Variants in ARHGEF10 observed in about 807,000 individuals in gnomAD.
ARHGEF10 encodes the protein Rho guanine nucleotide exchange factor 10, also known as Rho guanine nucleotide exchange factor (GEF) 10.
ARHGEF10 carries 140 observed loss-of-function variants against 147.4 expected under a neutral mutation model. That is an observed-to-expected ratio of 0.95 (90% confidence interval 0.83 to 1.09). The LOEUF is 1.09. Ranked by LOEUF, ARHGEF10 falls within the 50% of genes least tolerant of loss-of-function variation. The pLI, the probability that ARHGEF10 is intolerant of heterozygous loss-of-function variation, is 0.00. For missense variants in ARHGEF10, 2,222 were observed against 1,752.7 expected (o/e 1.27, Z -4.78); for synonymous variants, 902 against 695.8 (o/e 1.30, Z -4.67).
chr8:1,896,715 A>G (rs887376242), intron 14 of ARHGEF10, among the ~76,000 whole-genome samples: 1 of 152,274 alleles, frequency 6.6e-6, no homozygotes, highest in Non-Finnish European at 1.5e-5. Context: ...AGTCAAGATC[A>G]GATCCCAAAG....
chr8:1,950,955 C>G (rs764212146), intron 27 of ARHGEF10, among the ~76,000 whole-genome samples: 1 of 152,090 alleles, frequency 6.6e-6, no homozygotes, highest in Non-Finnish European at 1.5e-5. Context: ...GTTTCAGTCA[C>G]GCAGCCGCAG....
At chr8:1,931,551 G>C (rs1813147677) in intron 25 of ARHGEF10, among the ~76,000 whole-genome samples, 3 of 152,120 alleles carry the variant, frequency 2.0e-5, no homozygotes, top group African/African-American at 7.2e-5. Flanking sequence ...CCGGCGTACC[G>C]TGTGGGAGCG....
chr8:1,920,506 T>C (rs969474600), intron 18 of ARHGEF10, among the ~76,000 whole-genome samples: 5 of 15,462 alleles, frequency 3.2e-4, no homozygotes, highest in Non-Finnish European at 6.6e-4. Flanking sequence ...TTTTAAACTC[T>C]ATGTTTTTGG....
intron 1 of ARHGEF10, among the ~76,000 whole-genome samples, chr8:1,832,311 C>T (rs372082076): frequency 6.6e-6 from 1 of 151,822 alleles, no homozygotes; most frequent in Non-Finnish European, 1.5e-5. Flanking sequence ...GACAGAGAGA[C>T]AGGCAGAGGC....
intron 1 of ARHGEF10, 79 bp from the exon 2 acceptor site, chr8:1,843,274 C>G (rs1318070536): frequency 1.6e-5 from 18 of 1,094,970 alleles, no homozygotes; most frequent in Admixed American, 9.9e-5. Flanking sequence ...TTGCGGGGTT[C>G]TCTGTCGACA....
At position 1,898,513 on chromosome 8, in the gene ARHGEF10, C is replaced by T. The variant is rs1181610668; in HGVS notation, c.1638C>T (p.Ile546=). The change falls in exon 15 of 29, where the codon ATC becomes ATT. Residue 546 remains isoleucine (I), a synonymous_variant. Transcript: ENST00000349830. The part of the protein sequence containing the change: ...MKPIQRFPQF[I]LLLQDMLKNT... Reference sequence around the variant, plus strand: ...CCATCCAGAGGTTCCCACAGTTCATCCTCCTGCTCCAGGTAAGTGCTTCAC... The same window carrying T: ...CCATCCAGAGGTTCCCACAGTTCATTCTCCTGCTCCAGGTAAGTGCTTCAC... 4.3e-6 allele frequency: 7 copies of T among 1,614,110 alleles called. 1 individual carries two copies. The South Asian group carries it at 5.5e-5, about 13-fold the overall frequency.
chr8:1,890,339 G>A (rs1027718696), intron 11 of ARHGEF10, among the ~76,000 whole-genome samples: 12 of 151,142 alleles, frequency 7.9e-5, no homozygotes, highest in Non-Finnish European at 1.5e-4. Flanking sequence ...ATACTGAGTG[G>A]GGTGAGAGTT....
At chr8:1,944,794 G>A (rs1417562518) in intron 26 of ARHGEF10, among the ~76,000 whole-genome samples, 1 of 152,346 alleles carries the variant, frequency 6.6e-6, no homozygotes, top group Non-Finnish European at 1.5e-5. Context: ...GCAAGGCGGG[G>A]GCAGTCCTCC....
Position 1,956,729 on chromosome 8 carries a change from T to G in ARHGEF10, c.3521-20T>G, listed in dbSNP as rs1247233845. 3 of 1,613,606 alleles carry G rather than the reference T, an allele frequency of 1.9e-6. No homozygotes were observed. The highest frequency in any genetic ancestry group is 2.5e-6 in the Non-Finnish European group (3 of 1,179,932). On this transcript the variant is annotated intron_variant, in intron 28 of 28. Transcript: ENST00000349830. ...TTTGCCTATTTTAAAAGACAGCTGTTGAACTGTTTCCCTTTTCAGGAAGAG... is the reference window on the plus strand; with the variant it reads ...TTTGCCTATTTTAAAAGACAGCTGTGGAACTGTTTCCCTTTTCAGGAAGAG...
At chr8:1,850,813 G>C (rs1055542389) in intron 2 of ARHGEF10, among the ~76,000 whole-genome samples, 1 of 152,142 alleles carries the variant, frequency 6.6e-6, no homozygotes, top group Non-Finnish European at 1.5e-5. Context: ...TCCTTCAGGA[G>C]GTGAATGGAT....
At chr8:1,859,788 A>G (rs987395989) in intron 3 of ARHGEF10, 109 bp from the exon 4 acceptor site, 114 of 1,369,056 alleles carry the variant, frequency 8.3e-5, no homozygotes, top group Non-Finnish European at 1.1e-4. Flanking sequence ...GGGTCCTGGC[A>G]TGGGATGATG....
At chr8:1,950,016 C>T (rs1473638032) in intron 27 of ARHGEF10, among the ~76,000 whole-genome samples, 1 of 152,168 alleles carries the variant, frequency 6.6e-6, no homozygotes, top group African/African-American at 2.4e-5. Flanking sequence ...GATGCGTCTG[C>T]CTCTGTGGCT....
In ARHGEF10 at chr8:1,849,618, G is replaced by C. The variant is rs553802415; in HGVS notation, c.37+6182G>C. 3.6e-4 allele frequency among the ~76,000 whole-genome samples: 54 copies of C among 148,892 alleles called. 2 individuals carry two copies. Among genetic ancestry groups the C allele is most frequent in the African/African-American group, 1.3e-3 (52 of 40,072 alleles). The stretch of plus-strand genomic sequence containing the variant: ...ACACAGACGGCAAATGCTGAGGAGG[G>C]CGTGGGGCAGTCGTGTGGACACAGA... On this transcript the variant is annotated intron_variant, in intron 2 of 28. Coordinates refer to ENST00000349830, the MANE Select transcript of ARHGEF10 (RefSeq NM_014629.4).
intron 2 of ARHGEF10, 128 bp from the exon 3 acceptor site, chr8:1,857,832 C>A: frequency 2.3e-6 from 2 of 869,684 alleles, no homozygotes; most frequent in Admixed American, 2.1e-5. Flanking sequence ...AAGCGCAGTA[C>A]AGCACAGAGG....
Position 1,832,899 on chromosome 8 carries a change from G to C in ARHGEF10, c.-48+8786G>C, listed in dbSNP as rs1483056699. The stretch of plus-strand genomic sequence containing the variant: ...ACAGAGAGACAGAGGCAGACGCAGA[G>C]ACAGAGAGACAGACAGAGGCAGAGA... On this transcript the variant is annotated intron_variant, in intron 1 of 28. Transcript: ENST00000349830. Among the ~76,000 whole-genome samples, 3 of 104,172 alleles carry C rather than the reference G, an allele frequency of 2.9e-5. 1 individual carries two copies. Among genetic ancestry groups the C allele is most frequent in the East Asian group, 2.6e-4 (1 of 3,796 alleles). The allele number at this position is 104,172 out of a possible 152,430, so 68.3% of individuals were successfully genotyped here.
chr8:1,893,167 T>C (rs180685866), intron 11 of ARHGEF10, among the ~76,000 whole-genome samples: 41 of 152,212 alleles, frequency 2.7e-4, no homozygotes, highest in African/African-American at 9.2e-4. Context: ...ATAAATATTT[T>C]AGATAAGTGT....
At chr8:1,884,125 G>C (rs1021830356) in intron 10 of ARHGEF10, among the ~76,000 whole-genome samples, 2 of 152,176 alleles carry the variant, frequency 1.3e-5, no homozygotes, top group Admixed American at 6.5e-5. Context: ...CGGGCACGGT[G>C]GCTCATGCCT....
intron 19 of ARHGEF10, 73 bp downstream of exon 19, chr8:1,923,152 C>T (rs952495416): frequency 1.8e-6 from 2 of 1,118,176 alleles, no homozygotes; most frequent in Non-Finnish European, 2.7e-6. Flanking sequence ...GATTATATCT[C>T]CAAGTTCTAC....
intron 11 of ARHGEF10, among the ~76,000 whole-genome samples, chr8:1,893,170 A>G (rs1204947914): frequency 1.3e-5 from 2 of 151,348 alleles, no homozygotes; most frequent in Non-Finnish European, 2.9e-5. Flanking sequence ...AATATTTTAG[A>G]TAAGTGTTGC....
Sources: gnomAD v4.1 joint callset for allele counts (sites outside exome capture counted in the v4.1 genomes callset) on GRCh38, gnomAD v4.1.1 for gene constraint, MANE v1.5 for transcripts, NCBI Gene and HGNC (gene_info 2026-07-23, HGNC 2026-07-21) for gene names.